TRDN: variants seen among roughly 807,000 people sequenced by gnomAD.
TRDN encodes the protein triadin in skeletal muscle.
A neutral mutation model predicts 149.7 loss-of-function variants in TRDN; 161 were observed. That is an observed-to-expected ratio of 1.08 (90% CI 0.95 to 1.23). The LOEUF (loss-of-function observed/expected upper bound fraction) is 1.23, where lower values mean the gene tolerates loss of function less well. Ranked by LOEUF, TRDN falls within the 50% of genes most tolerant of loss-of-function variation. The pLI is 0.00. For synonymous variants in TRDN, 294 were observed against 250.5 expected (o/e 1.17, Z -1.64); for missense variants, 896 against 823.5 (o/e 1.09, Z -1.08).
chr6:123,527,860 T>C (rs1780028482), intron 5 of TRDN, among the ~76,000 whole-genome samples: 1 of 151,796 alleles, frequency 6.6e-6, no homozygotes, highest in East Asian at 1.9e-4. Flanking sequence ...ATTCTGATTA[T>C]ATTTATAAAA....
intron 9 of TRDN, among the ~76,000 whole-genome samples, chr6:123,477,423 A>G (rs1430280889): frequency 6.7e-6 from 1 of 149,872 alleles, no homozygotes; most frequent in Non-Finnish European, 1.5e-5. Flanking sequence ...GGTGCTGGGG[A>G]GGATGTGGAG....
chr6:123,440,742 C>A (rs1017690313), intron 10 of TRDN, among the ~76,000 whole-genome samples: 1 of 152,178 alleles, frequency 6.6e-6, no homozygotes, highest in African/African-American at 2.4e-5. Context: ...GTCAATCTTA[C>A]ACCGAACTTC....
chr6:123,545,141 A>T (rs1781050375), intron 4 of TRDN, among the ~76,000 whole-genome samples: 2 of 152,010 alleles, frequency 1.3e-5, no homozygotes, highest in Admixed American at 1.3e-4. Flanking sequence ...ATATTATTGA[A>T]TATATATGAA....
chr6:123,614,922 A>C (rs1462523034), intron 1 of TRDN, among the ~76,000 whole-genome samples: 2 of 152,314 alleles, frequency 1.3e-5, no homozygotes, highest in East Asian at 1.9e-4. Context: ...TAATGTCCAG[A>C]ATATACAAGA....
chr6:123,632,855 A>AT (rs893785316), intron 1 of TRDN, among the ~76,000 whole-genome samples: 204 of 146,074 alleles, frequency 1.4e-3, no homozygotes, highest in African/African-American at 3.2e-3. Context: ...TGAATTCTTG[A>AT]TTTTTTTTTT....
intron 1 of TRDN, among the ~76,000 whole-genome samples, chr6:123,599,610 A>G (rs1027085205): frequency 2.0e-5 from 3 of 151,908 alleles, no homozygotes; most frequent in Non-Finnish European, 4.4e-5. Flanking sequence ...TTTCTAAATA[A>G]GCATTATGTC....
At chr6:123,275,142 G>A (rs1777328105) in intron 26 of TRDN, among the ~76,000 whole-genome samples, 1 of 152,004 alleles carries the variant, frequency 6.6e-6, no homozygotes. Flanking sequence ...TAATGTTATG[G>A]CTCAAATGTG....
intron 2 of TRDN, among the ~76,000 whole-genome samples, chr6:123,570,081 T>C (rs1291896606): frequency 6.6e-6 from 1 of 152,168 alleles, no homozygotes; most frequent in African/African-American, 2.4e-5. Context: ...ACCCTGAATA[T>C]GTAGAATGCA....
intron 8 of TRDN, among the ~76,000 whole-genome samples, chr6:123,499,605 G>A (rs1250550248): frequency 1.4e-5 from 2 of 146,892 alleles, no homozygotes; most frequent in South Asian, 2.2e-4. Context: ...TCCGGAGGCT[G>A]AGGCAGGAGA....
chr6:123,574,851 TATATACATATA>T (rs1782753856), intron 1 of TRDN, among the ~76,000 whole-genome samples: 5 of 35,970 alleles, frequency 1.4e-4, no homozygotes, highest in Non-Finnish European at 1.9e-4. Context: ...CATGAATTTA[TATATACATATA>T]TATATATATA....
At chr6:123,451,779 G>T (rs1775791604) in intron 10 of TRDN, among the ~76,000 whole-genome samples, 1 of 151,984 alleles carries the variant, frequency 6.6e-6, no homozygotes, top group South Asian at 2.1e-4. Context: ...CCAAAATCAG[G>T]AAAGGACATA....
intron 2 of TRDN, among the ~76,000 whole-genome samples, chr6:123,555,041 A>G (rs183216038): frequency 7.6e-4 from 116 of 152,328 alleles, no homozygotes; most frequent in Non-Finnish European, 1.2e-3. Flanking sequence ...AGTTTTCAGC[A>G]TCAACAATAC....
At chr6:123,593,245 A>T (rs1783877188) in intron 1 of TRDN, among the ~76,000 whole-genome samples, 1 of 152,238 alleles carries the variant, frequency 6.6e-6, no homozygotes, top group Admixed American at 6.5e-5. Context: ...TCATCACACA[A>T]GCCAGATTTC....
intron 12 of TRDN, among the ~76,000 whole-genome samples, chr6:123,403,893 G>A (rs1005456060): frequency 2.0e-5 from 3 of 152,092 alleles, no homozygotes; most frequent in Non-Finnish European, 4.4e-5. Flanking sequence ...ATAAAAGATA[G>A]CAGTTGAAGG....
At chr6:123,220,799 AT>A (rs1314587424) in intron 40 of TRDN, among the ~76,000 whole-genome samples, 1 of 151,842 alleles carries the variant, frequency 6.6e-6, no homozygotes, top group African/African-American at 2.4e-5. Flanking sequence ...CTTTAAAAGC[AT>A]TATGTGACAC....
intron 5 of TRDN, among the ~76,000 whole-genome samples, chr6:123,526,198 G>A (rs1050737285): frequency 1.3e-5 from 2 of 152,028 alleles, no homozygotes; most frequent in African/African-American, 4.8e-5. Flanking sequence ...TTTATATGGT[G>A]TCTACTATAC....
intron 9 of TRDN, among the ~76,000 whole-genome samples, chr6:123,477,468 T>C (rs1412262817): frequency 6.7e-6 from 1 of 148,896 alleles, no homozygotes; most frequent in African/African-American, 2.5e-5. Flanking sequence ...GGTGGGACTG[T>C]AAACTAGTTC....
intron 24 of TRDN, among the ~76,000 whole-genome samples, chr6:123,299,175 G>A (rs948464293): frequency 6.6e-6 from 1 of 151,900 alleles, no homozygotes; most frequent in Non-Finnish European, 1.5e-5. Context: ...TAAGAAATGG[G>A]CCCCTACTAT....
Position 123,460,384 on chromosome 6 carries a change from G to A in TRDN, c.931+4522C>T, listed in dbSNP as rs75227599. On this transcript the variant is annotated intron_variant, in intron 10 of 40. Transcript: ENST00000334268. ...AATATTAACAGCAACCAATGGTTGAGTATCTAACTGTGCTAGAAAATGTGC... is the reference window on the plus strand; with the variant it reads ...AATATTAACAGCAACCAATGGTTGAATATCTAACTGTGCTAGAAAATGTGC... 3.4e-3 allele frequency among the ~76,000 whole-genome samples: 522 copies of A among 152,260 alleles called. 24 individuals carry two copies. In the East Asian group the frequency reaches 0.093, roughly 27 times the overall value.
Sources: gnomAD v4.1 joint callset for allele counts (sites outside exome capture counted in the v4.1 genomes callset) on GRCh38, gnomAD v4.1.1 for gene constraint, MANE v1.5 for transcripts, NCBI Gene and HGNC (gene_info 2026-07-23, HGNC 2026-07-21) for gene names.